ZNF395: variants seen among roughly 807,000 people sequenced by gnomAD.
The protein encoded by ZNF395 is HD gene regulatory region-binding protein 2.
In ZNF395, 20 loss-of-function variants were observed where a neutral mutation model predicts 57.7. That is an observed-to-expected ratio of 0.35 (90% CI 0.24 to 0.50). The LOEUF (loss-of-function observed/expected upper bound fraction) is 0.50, where lower values mean the gene tolerates loss of function less well. Among genes scored for constraint, ZNF395 ranks in the 20% least tolerant of loss-of-function variants. The pLI is 0.97. For synonymous variants in ZNF395, 295 were observed against 275.9 expected, an observed-to-expected ratio of 1.07 and a Z score of -0.69; for missense variants, 606 against 671.2, an observed-to-expected ratio of 0.90 and a Z score of 1.07.
intron 1 of ZNF395, among the ~76,000 whole-genome samples, chr8:28,363,017 T>C (rs1801868662): frequency 6.6e-6 from 1 of 152,098 alleles, no homozygotes; most frequent in South Asian, 2.1e-4. Context: ...ACACTCTCGC[T>C]GAAAGCTTCA....
rs754232698 is a variant in ZNF395, at chr8:28,353,272, C to T, written c.720G>A (p.Lys240=). 17 of 1,424,258 alleles carry T rather than the reference C, an allele frequency of 1.2e-5. No individual in the cohort carries two copies. In the South Asian group the frequency reaches 1.8e-4, roughly 15 times the overall value. The allele number at this position is 1,424,258 out of a possible 1,614,324, so 88.2% of individuals were successfully genotyped here. The part of the protein sequence containing the change: ...PSPPHPQASP[K]YLGDAFGSPQ... ...GAGAACCAAAAGCATCCCCCAAATA[C>T]TTGGGGCTGGCCTGGGGGTGGGGGG... Residue 240 remains lysine, a synonymous_variant, in exon 5 of 10, where the codon AAG becomes AAA. Transcript: ENST00000344423.
rs551940307 is a variant in ZNF395 at position 28,351,169 on chromosome 8, G to A, written c.1233+326C>T. On this transcript the variant is annotated intron_variant, in intron 7 of 9. Coordinates refer to ENST00000344423, the MANE Select transcript of ZNF395 (RefSeq NM_018660.3). ...CAGAACACAATTCTAGGACCTAGAC[G>A]TCACGTGGGAAGCCCAACTACACGA... 2.2e-3 allele frequency among the ~76,000 whole-genome samples: 336 copies of A among 152,252 alleles called. 1 individual carries two copies. The highest frequency in any genetic ancestry group is 2.6e-3 in the Non-Finnish European group (180 of 68,008).
intron 1 of ZNF395, among the ~76,000 whole-genome samples, chr8:28,373,363 G>A (rs1432593069): frequency 6.6e-6 from 1 of 152,236 alleles, no homozygotes; most frequent in Non-Finnish European, 1.5e-5. Context: ...TAGAGAGATA[G>A]AGATGAAGGC....
Position 28,346,912 on chromosome 8 carries a change from G to T in ZNF395, c.*1807C>A, listed in dbSNP as rs556011472. On this transcript the variant is annotated 3_prime_UTR_variant, in exon 10 of 10. Coordinates refer to ENST00000344423, the MANE Select transcript of ZNF395 (RefSeq NM_018660.3). ...CGCCACCTCAGGCTAGCCTGGCTTT[G>T]AGCTTTACCAAGAGACAGAATTCCA... 6.6e-6 allele frequency: 1 copy of T among 151,790 alleles called. No individual in the cohort carries two copies. The highest frequency in any genetic ancestry group is 1.9e-4 in the East Asian group (1 of 5,158). The allele number at this position is 151,790 out of a possible 1,614,324, so 9.4% of individuals were successfully genotyped here. A position where few individuals can be genotyped will look rare whatever the true frequency, so the allele number is the denominator to read the frequency against.
intron 4 of ZNF395, 68 bp from the exon 5 acceptor site, chr8:28,353,476 G>A (rs1422588969): frequency 1.6e-6 from 2 of 1,276,598 alleles, no homozygotes; most frequent in Non-Finnish European, 2.1e-6. Context: ...TCCCTTCTGA[G>A]CTTCGGTAAA....
In ZNF395 at chr8:28,346,106, A is replaced by G. The variant is rs1801596655; in HGVS notation, c.*2613T>C. The G allele has an allele frequency of 1.3e-5, 2 of 152,162 alleles. No homozygotes were observed. Among genetic ancestry groups the G allele is most frequent in the Non-Finnish European group, 2.9e-5 (2 of 68,026 alleles). The allele number at this position is 152,162 out of a possible 1,614,324, so 9.4% of individuals were successfully genotyped here. A position where few individuals can be genotyped will look rare whatever the true frequency, so the allele number is the denominator to read the frequency against. Reference sequence around the variant, plus strand: ...TAGCATCCTTAAGGCTGCTCAACACACAGCCCCAGACTCTGAATATGATTC... The same window carrying G: ...TAGCATCCTTAAGGCTGCTCAACACGCAGCCCCAGACTCTGAATATGATTC... On this transcript the variant is annotated 3_prime_UTR_variant, in exon 10 of 10. Transcript: ENST00000344423.
Position 28,361,059 on chromosome 8 carries a change from G to A in ZNF395, c.66C>T (p.Pro22=), listed in dbSNP as rs1801843488. 1 of 1,612,058 alleles carries A rather than the reference G, an allele frequency of 6.2e-7. No homozygotes were observed. Among genetic ancestry groups the A allele is most frequent in the Admixed American group, 1.7e-5 (1 of 59,856 alleles). ...RSLLGARVLG[P]SASEGPSAAP... ...CAGCCGAGGGCCCCTCCGAGGCACT[G>A]GGTCCCAACACCCGGGCTCCCAGGA... The change falls in exon 2 of 10, where the codon CCC becomes CCT. Residue 22 remains proline, a synonymous_variant. Coordinates refer to ENST00000344423, the MANE Select transcript of ZNF395 (RefSeq NM_018660.3).
At chr8:28,384,483 T>C (rs1802146657) in intron 1 of ZNF395, among the ~76,000 whole-genome samples, 1 of 152,184 alleles carries the variant, frequency 6.6e-6, no homozygotes, top group Non-Finnish European at 1.5e-5. Flanking sequence ...ACTTTGACAG[T>C]TACCATTCCC....
At chr8:28,372,315 T>C (rs995027493) in intron 1 of ZNF395, among the ~76,000 whole-genome samples, 11 of 152,166 alleles carry the variant, frequency 7.2e-5, no homozygotes, top group African/African-American at 2.7e-4. Context: ...TGTTGGATAC[T>C]GAGCACTGTG....
rs1225377512 is a variant in ZNF395, at chr8:28,359,422, C to T, written c.473+170G>A. ...GTCTCAAAAAAAGAAAGAAAAGATGCCACTCTGGTTTTCTTAAAAGATTCC... is the reference window on the plus strand; with the variant it reads ...GTCTCAAAAAAAGAAAGAAAAGATGTCACTCTGGTTTTCTTAAAAGATTCC... On this transcript the variant is annotated intron_variant, in intron 3 of 9. Transcript: ENST00000344423. The surrounding 1 kb of genome is among the most constrained non-coding windows in gnomAD (Gnocchi z 4.7). Among the ~76,000 whole-genome samples the T allele has an allele frequency of 1.3e-5, 2 of 152,118 alleles. No homozygotes were observed. The highest frequency in any genetic ancestry group is 4.8e-5 in the African/African-American group (2 of 41,432).
At position 28,352,661 on chromosome 8, in the gene ZNF395, C is replaced by T; in HGVS notation, c.832G>A (p.Val278Met). 6.2e-7 allele frequency: 1 copy of T among 1,614,038 alleles called. No individual in the cohort carries two copies. The highest frequency in any genetic ancestry group is 8.5e-7 in the Non-Finnish European group (1 of 1,179,912). The change falls in exon 6 of 10, where the codon GTG (valine) becomes ATG (methionine). Residue 278 changes from valine (V) to methionine (M), a missense_variant. By Grantham distance (21) the Val-to-Met change is conservative. Around this residue, in one of 3 missense-constraint regions of ZNF395, gnomAD observed 309 missense variants for 374.7 expected, o/e 0.82. Transcript: ENST00000344423. The surrounding 1 kb of genome is among the most constrained non-coding windows in gnomAD (Gnocchi z 4.0). ...APRKRKNSVK[V>M]MYKCLWPNCG... ...TTTGGCCACAGGCACTTGTACATCA[C>T]CTTCACAGAGTTCTACAGGAAAGGA...
chr8:28,372,437 G>A (rs780228720), intron 1 of ZNF395, among the ~76,000 whole-genome samples: 2 of 152,260 alleles, frequency 1.3e-5, no homozygotes, highest in Non-Finnish European at 2.9e-5. Context: ...GTGCAAATGC[G>A]GGGGAAATAC....
intron 7 of ZNF395, among the ~76,000 whole-genome samples, chr8:28,350,800 G>T (rs140097253): frequency 6.6e-6 from 1 of 152,168 alleles, no homozygotes; most frequent in African/African-American, 2.4e-5. Context: ...AGGCACAAAA[G>T]AATTTTAAGA....
At position 28,345,837 on chromosome 8, in the gene ZNF395, C is replaced by A. The variant is rs1801593478; in HGVS notation, c.*2882G>T. 1.3e-5 allele frequency: 2 copies of A among 151,554 alleles called. No homozygotes were observed. Among genetic ancestry groups the A allele is most frequent in the South Asian group, 4.2e-4 (2 of 4,788 alleles). 9.4% of individuals were successfully genotyped at this position (151,554 alleles called of 1,614,324 possible). A position where few individuals can be genotyped will look rare whatever the true frequency, so the allele number is the denominator to read the frequency against. ...AAGTAACAGGACAGATTTCTCCCAGCAAATCAGTCTCCACAACCAAATGAA... is the reference window on the plus strand; with the variant it reads ...AAGTAACAGGACAGATTTCTCCCAGAAAATCAGTCTCCACAACCAAATGAA... On this transcript the variant is annotated 3_prime_UTR_variant, in exon 10 of 10. Transcript: ENST00000344423.
chr8:28,378,607 G>A (rs1230307840), intron 1 of ZNF395, among the ~76,000 whole-genome samples: 1 of 152,086 alleles, frequency 6.6e-6, no homozygotes, highest in African/African-American at 2.4e-5. Context: ...AAAATGCTGG[G>A]ACCTATTTAT....
intron 1 of ZNF395, among the ~76,000 whole-genome samples, chr8:28,383,474 A>G (rs1189696757): frequency 6.6e-6 from 1 of 152,148 alleles, no homozygotes; most frequent in African/African-American, 2.4e-5. Flanking sequence ...AAAATGTTTC[A>G]AAGCCCAGCA....
At chr8:28,351,350 G>C (rs926313831) in intron 7 of ZNF395, 145 bp downstream of exon 7, 2 of 824,904 alleles carry the variant, frequency 2.4e-6, no homozygotes, top group Non-Finnish European at 3.6e-6. Flanking sequence ...CAGTGAATTC[G>C]GTTTCCTTTT....
rs141703640 is a variant in ZNF395 at position 28,352,622 on chromosome 8, G to C, written c.871C>G (p.Leu291Val). ...KCLWPNCGKVLRSIVGIKRHV... is the reference protein window; with the variant it reads ...KCLWPNCGKVVRSIVGIKRHV... ...CGTTTGATGCCCACAATGGAGCGCA[G>C]AACTTTGCCACAGTTTGGCCACAGG... The change falls in exon 6 of 10, where the codon CTG becomes GTG. Residue 291 changes from leucine (L) to valine (V), a missense_variant. Physicochemically the swap from Leu to Val is conservative, Grantham distance 32. This residue lies in a region of ZNF395 where 261 missense variants were observed against 240.3 expected (regional missense o/e 1.09). Coordinates refer to ENST00000344423, the MANE Select transcript of ZNF395 (RefSeq NM_018660.3). The surrounding 1 kb of genome is among the most constrained non-coding windows in gnomAD (Gnocchi z 4.0). 54 of 1,614,212 alleles carry C rather than the reference G, an allele frequency of 3.3e-5. No homozygotes were observed. The highest frequency in any genetic ancestry group is 4.4e-5 in the Non-Finnish European group (52 of 1,180,038).
At chr8:28,350,281 G>A (rs1157619402) in intron 7 of ZNF395, 125 bp from the exon 8 acceptor site, 1 of 776,794 alleles carries the variant, frequency 1.3e-6, no homozygotes, top group Non-Finnish European at 2.1e-6. Context: ...TGACCAGAAA[G>A]AGCTGGGACA....
Sources: allele counts gnomAD v4.1 joint callset (sites outside exome capture counted in the v4.1 genomes callset), GRCh38; gene constraint gnomAD v4.1.1; regional missense constraint gnomAD v4.1.1; non-coding constraint Gnocchi (gnomAD v3.1); transcripts MANE v1.5; gene names NCBI Gene and HGNC (gene_info 2026-07-23, HGNC 2026-07-21).